The following HEXB variants were observed in gnomAD, a reference collection of about 807,000 sequenced individuals.
HEXB encodes beta-hexosaminidase subunit beta.
Under a neutral mutation model 71.2 loss-of-function variants are expected in HEXB, and 51 were observed. The observed-to-expected ratio is 0.72, with a 90% CI of 0.57 to 0.90. The LOEUF (loss-of-function observed/expected upper bound fraction) is 0.90. Ranked by LOEUF, HEXB falls within the 40% of genes least tolerant of loss-of-function variation. The pLI, the probability that HEXB is intolerant of heterozygous loss-of-function variation, is 0.00. For missense variants in HEXB, 617 were observed against 677.0 expected (o/e 0.91, Z 0.98); for synonymous variants, 266 against 249.3 (o/e 1.07, Z -0.63).
intron 1 of HEXB, among the ~76,000 whole-genome samples, chr5:74,646,222 A>G (rs1747999229): frequency 6.6e-6 from 1 of 152,186 alleles, no homozygotes; most frequent in African/African-American, 2.4e-5. Flanking sequence ...ATGATTCCTT[A>G]GTAAACTGCT....
rs1349100081 is a variant in HEXB, at chr5:74,678,713, T to TA, written c.-376-10607dup. 2.0e-5 allele frequency among the ~76,000 whole-genome samples: 3 copies of TA among 151,766 alleles called. No individual in the cohort carries two copies. The East Asian group carries it at 5.8e-4, about 29-fold the overall frequency. On this transcript the variant is annotated intron_variant, in intron 1 of 13. Transcript: ENST00000511181. ...AAAAGGAAGACTGACAAATTTGATCTAAAAAAAAGTTAAAAGCTACCGTAA... is the reference window on the plus strand; with the variant it reads ...AAAAGGAAGACTGACAAATTTGATCTAAAAAAAAAGTTAAAAGCTACCGTAA...
chr5:74,658,615 C>G (rs1420956576), intron 1 of HEXB, among the ~76,000 whole-genome samples: 1 of 152,118 alleles, frequency 6.6e-6, no homozygotes, highest in African/African-American at 2.4e-5. Flanking sequence ...AACACTGAGG[C>G]TCAAGTAAGC....
At chr5:74,720,799 A>AC (rs1561229452) in intron 13 of HEXB, 52 bp downstream of exon 13, 5 of 1,382,174 alleles carry the variant, frequency 3.6e-6, no homozygotes, top group Non-Finnish European at 1.0e-6. Context: ...ATTCAGTGTT[A>AC]GTTTCTTTTG....
intron 6 of HEXB, among the ~76,000 whole-genome samples, chr5:74,711,523 C>T (rs113057869): frequency 9.5e-4 from 145 of 152,214 alleles, no homozygotes; most frequent in African/African-American, 3.3e-3. Flanking sequence ...AGAAAATTTT[C>T]GCAACCTACT....
At chr5:74,670,473 A>G (rs1348062495) in intron 1 of HEXB, among the ~76,000 whole-genome samples, 1 of 152,096 alleles carries the variant, frequency 6.6e-6, no homozygotes, top group East Asian at 1.9e-4. Context: ...ACAAGAACCC[A>G]AGACCCACCA....
intron 2 of HEXB, 126 bp downstream of exon 2, chr5:74,689,599 A>T (rs902092562): frequency 2.5e-4 from 208 of 821,714 alleles, no homozygotes; most frequent in Non-Finnish European, 2.8e-4. Flanking sequence ...TTCCTATTTT[A>T]AAAATAACCT....
At chr5:74,700,723 T>A (rs149417726) in intron 5 of HEXB, among the ~76,000 whole-genome samples, 1 of 152,204 alleles carries the variant, frequency 6.6e-6, no homozygotes, top group Admixed American at 6.6e-5. Flanking sequence ...TATTTATTTA[T>A]TGAGACGGAG....
At chr5:74,679,827 T>TAAAAAAAAA (rs1458962752) in intron 1 of HEXB, among the ~76,000 whole-genome samples, 1 of 60,630 alleles carries the variant, frequency 1.6e-5, no homozygotes, top group Non-Finnish European at 4.1e-5. Context: ...AAAAAAAAAG[T>TAAAAAAAAA]ATGGCTTTCA....
At chr5:74,691,471 A>G (rs1749002744) in intron 2 of HEXB, among the ~76,000 whole-genome samples, 2 of 152,246 alleles carry the variant, frequency 1.3e-5, no homozygotes, top group South Asian at 4.1e-4. Context: ...ACTAAACAGT[A>G]TAATCACAAC....
chr5:74,651,967 G>C (rs980544059), intron 1 of HEXB, among the ~76,000 whole-genome samples: 3 of 152,038 alleles, frequency 2.0e-5, no homozygotes, highest in Non-Finnish European at 2.9e-5. Context: ...CTGTGGTCAG[G>C]TAGGTAAGTC....
intron 1 of HEXB, among the ~76,000 whole-genome samples, chr5:74,655,522 G>A (rs1468048578): frequency 6.6e-6 from 1 of 151,892 alleles, no homozygotes; most frequent in African/African-American, 2.4e-5. Flanking sequence ...TTTTAGTAGA[G>A]ACAGGATTTC....
intron 5 of HEXB, among the ~76,000 whole-genome samples, chr5:74,697,586 C>A (rs539365241): frequency 4.3e-4 from 66 of 152,040 alleles, no homozygotes; most frequent in African/African-American, 1.4e-3. Context: ...ATTAGCCAGG[C>A]GTGGTAGCGT....
rs375759608 is a variant in HEXB at position 74,651,929 on chromosome 5, C to T, written c.-377+11371C>T. On this transcript the variant is annotated intron_variant, in intron 1 of 13. Coordinates refer to the HEXB transcript ENST00000511181. ...CACAATAAGTAATGGGTTATTAATT[C>T]GAACATGCCAGCACAAATCCTCCTG... 3.8e-4 allele frequency among the ~76,000 whole-genome samples: 58 copies of T among 152,288 alleles called. 1 individual carries two copies. The highest frequency in any genetic ancestry group is 2.5e-3 in the East Asian group (13 of 5,176).
chr5:74,707,945 C>T (rs530445665), intron 6 of HEXB, among the ~76,000 whole-genome samples: 1 of 152,242 alleles, frequency 6.6e-6, no homozygotes, highest in Non-Finnish European at 1.5e-5. Context: ...GAGAATGCCA[C>T]AAACATACTC....
In HEXB at chr5:74,702,303, C is replaced by T. The variant is rs960954322; in HGVS notation, c.670-2916C>T. 7.9e-5 allele frequency among the ~76,000 whole-genome samples: 12 copies of T among 151,802 alleles called. No homozygotes were observed. In the East Asian group the frequency reaches 2.1e-3, roughly 27 times the overall value. On this transcript the variant is annotated intron_variant, in intron 5 of 13. Transcript: ENST00000261416. ...CCGTTTTAGCCGGGATGGTCTCGAT[C>T]TCCTGACCTCGTGATCCGCCCGCCT... is the stretch of plus-strand genomic sequence containing the variant.
intron 2 of HEXB, among the ~76,000 whole-genome samples, chr5:74,692,173 A>G (rs1029510572): frequency 3.3e-5 from 5 of 152,124 alleles, no homozygotes; most frequent in Admixed American, 1.3e-4. Context: ...ACAGTGACCA[A>G]TGGAGCAGTG....
At chr5:74,658,823 G>A (rs1314827047) in intron 1 of HEXB, among the ~76,000 whole-genome samples, 2 of 152,032 alleles carry the variant, frequency 1.3e-5, no homozygotes, top group East Asian at 3.9e-4. Flanking sequence ...AGCTTTTGGT[G>A]GGTTCTGAAG....
chr5:74,684,204 G>T (rs1351719946), upstream of HEXB, among the ~76,000 whole-genome samples: 2 of 152,162 alleles, frequency 1.3e-5, no homozygotes, highest in African/African-American at 4.8e-5. Context: ...TGTGGTTTTG[G>T]TCTGCCTAGC....
intron 3 of HEXB, 82 bp downstream of exon 3, chr5:74,693,786 AC>A: frequency 1.0e-6 from 1 of 969,758 alleles, no homozygotes; most frequent in South Asian, 1.3e-5. Context: ...GCACAGCAAA[AC>A]TTTGCCGCCT....
Sources: gnomAD v4.1 joint callset for allele counts (sites outside exome capture counted in the v4.1 genomes callset) on GRCh38, gnomAD v4.1.1 for gene constraint, MANE v1.5 for transcripts, NCBI Gene and HGNC (gene_info 2026-07-23, HGNC 2026-07-21) for gene names.